Variants in ARSK observed in about 807,000 individuals in gnomAD.
ARSK encodes the protein arylsulfatase K.
A neutral mutation model predicts 53.2 loss-of-function variants in ARSK; 37 were observed. The observed-to-expected ratio is 0.70, with a 90% CI of 0.54 to 0.92. The LOEUF is 0.92. Among genes scored for constraint, ARSK ranks in the 40% least tolerant of loss-of-function variants. The pLI is 0.00. For synonymous variants in ARSK, 208 were observed against 223.2 expected (o/e 0.93, Z 0.61); for missense variants, 613 against 643.0 (o/e 0.95, Z 0.51).
At chr5:95,601,165 A>T in intron 7 of ARSK, 94 bp downstream of exon 7, 1 of 1,175,606 alleles carries the variant, frequency 8.5e-7, no homozygotes, top group Non-Finnish European at 1.2e-6. Flanking sequence ...CTTGTTAAAT[A>T]AATGAATATC....
In ARSK at chr5:95,555,370, C is replaced by T. The variant is rs760563103; in HGVS notation, c.92C>T (p.Ala31Val). 1.9e-6 allele frequency: 3 copies of T among 1,610,588 alleles called. No homozygotes were observed. Among genetic ancestry groups the T allele is most frequent in the South Asian group, 2.2e-5 (2 of 90,676 alleles). ...GAGCAGAGGCGGAGAGCAGCCAAAGCGCCCAATGTGGTGCTGGTCGTGAGC... is the reference window on the plus strand; with the variant it reads ...GAGCAGAGGCGGAGAGCAGCCAAAGTGCCCAATGTGGTGCTGGTCGTGAGC... The part of the protein sequence containing the change: ...AGEQRRRAAK[A>V]PNVVLVVSDS... Residue 31 changes from alanine to valine, a missense_variant, in exon 1 of 8, where the codon GCG becomes GTG. By Grantham distance (64) the Ala-to-Val change is moderately conservative. Transcript: ENST00000380009. This position sits in a 1 kb window ranked among gnomAD's most constrained non-coding sequence, Gnocchi z 4.0.
intron 5 of ARSK, among the ~76,000 whole-genome samples, chr5:95,588,688 C>A (rs556000367): frequency 5.9e-5 from 9 of 151,948 alleles, no homozygotes; most frequent in Non-Finnish European, 8.8e-5. Flanking sequence ...TAATTAAAGA[C>A]ATTTGTGGCT....
At chr5:95,600,640 T>C in intron 6 of ARSK, 1 of 680,824 alleles carries the variant, frequency 1.5e-6, no homozygotes, top group Non-Finnish European at 2.7e-6. Flanking sequence ...AAAACTGAGG[T>C]TGAGATAAGT....
At chr5:95,566,774 C>T (rs750344270) in intron 2 of ARSK, among the ~76,000 whole-genome samples, 3 of 151,894 alleles carry the variant, frequency 2.0e-5, no homozygotes, top group African/African-American at 2.4e-5. Context: ...TTCCTTTTCC[C>T]CTGTCTTCTG....
At chr5:95,570,152 C>T (rs1242709648) in intron 3 of ARSK, among the ~76,000 whole-genome samples, 2 of 152,138 alleles carry the variant, frequency 1.3e-5, no homozygotes, top group African/African-American at 4.8e-5. Flanking sequence ...TGCTTAAAAT[C>T]TTTCAATGGT....
At chr5:95,571,110 A>G (rs1319445722) in intron 3 of ARSK, among the ~76,000 whole-genome samples, 1 of 152,222 alleles carries the variant, frequency 6.6e-6, no homozygotes, top group African/African-American at 2.4e-5. Context: ...AGTGCTTTGC[A>G]TTGCTAGTTA....
At chr5:95,591,122 G>C (rs1208242083) in intron 5 of ARSK, among the ~76,000 whole-genome samples, 2 of 151,972 alleles carry the variant, frequency 1.3e-5, no homozygotes, top group African/African-American at 2.4e-5. Context: ...CTATTCTCTG[G>C]TAGAAACCTA....
At chr5:95,569,139 C>T (rs144849688) in intron 3 of ARSK, among the ~76,000 whole-genome samples, 39 of 152,262 alleles carry the variant, frequency 2.6e-4, no homozygotes, top group African/African-American at 8.2e-4. Context: ...TACTGAACTT[C>T]GGTGTGATCT....
At chr5:95,568,177 G>A in intron 3 of ARSK, 128 bp downstream of exon 3, 1 of 985,390 alleles carries the variant, frequency 1.0e-6, no homozygotes, top group Non-Finnish European at 1.4e-6. Context: ...CCTTCATTGT[G>A]TTAATTAGGC....
chr5:95,561,817 G>A (rs908252538), intron 1 of ARSK, among the ~76,000 whole-genome samples: 3 of 152,140 alleles, frequency 2.0e-5, no homozygotes, highest in Non-Finnish European at 4.4e-5. Context: ...CTATGGTAAT[G>A]GTTGCACAGC....
chr5:95,580,965 A>G, intron 3 of ARSK: 1 of 1,262,022 alleles, frequency 7.9e-7, no homozygotes, highest in South Asian at 1.3e-5. Context: ...TTTGCCTTTA[A>G]CCATAATCTT....
intron 1 of ARSK, chr5:95,556,900 C>G (rs1433350199): frequency 6.6e-6 from 1 of 151,888 alleles, no homozygotes; most frequent in African/African-American, 2.4e-5. Flanking sequence ...GTCCCAGCTA[C>G]TCGGGAGGCT....
intron 3 of ARSK, among the ~76,000 whole-genome samples, chr5:95,575,095 G>C (rs1748902110): frequency 6.6e-6 from 1 of 152,064 alleles, no homozygotes. Flanking sequence ...ATTTATTGAA[G>C]AGACTGTTCC....
At chr5:95,564,757 C>T (rs1047972165) in intron 1 of ARSK, among the ~76,000 whole-genome samples, 6 of 152,144 alleles carry the variant, frequency 3.9e-5, no homozygotes, top group African/African-American at 1.4e-4. Context: ...ACTCGGTCTC[C>T]TCACATCTTC....
At chr5:95,591,664 T>G in intron 6 of ARSK, 39 bp downstream of exon 6, 1 of 1,591,524 alleles carries the variant, frequency 6.3e-7, no homozygotes. Context: ...TTTGTAATAA[T>G]GCTGGAGAAT....
At chr5:95,557,488 A>G (rs1294744074) in intron 1 of ARSK, among the ~76,000 whole-genome samples, 1 of 152,250 alleles carries the variant, frequency 6.6e-6, no homozygotes, top group Non-Finnish European at 1.5e-5. Flanking sequence ...TAATATGTAT[A>G]TATCAATGTG....
At position 95,562,052 on chromosome 5, in the gene ARSK, T is replaced by A. The variant is rs569746652; in HGVS notation, c.127-3946T>A. On this transcript the variant is annotated intron_variant, in intron 1 of 7. Coordinates refer to ENST00000380009, the MANE Select transcript of ARSK (RefSeq NM_198150.3). ...CAACATGGTGAAACCCCATCTCTACTAAGAATACAAAAATTAGCCAGGCAT... is the reference window on the plus strand; with the variant it reads ...CAACATGGTGAAACCCCATCTCTACAAAGAATACAAAAATTAGCCAGGCAT... Among the ~76,000 whole-genome samples the A allele has an allele frequency of 1.8e-4, 28 of 152,022 alleles. No individual in the cohort carries two copies. The South Asian group carries it at 5.0e-3, about 27-fold the overall frequency.
chr5:95,587,987 T>C (rs1480012541), intron 5 of ARSK, among the ~76,000 whole-genome samples: 1 of 152,174 alleles, frequency 6.6e-6, no homozygotes, highest in Non-Finnish European at 1.5e-5. Flanking sequence ...AGTAATTTTC[T>C]TTAATCATGA....
intron 1 of ARSK, among the ~76,000 whole-genome samples, chr5:95,559,582 T>C (rs759082276): frequency 1.2e-4 from 19 of 152,374 alleles, no homozygotes; most frequent in Middle Eastern, 6.8e-3. Flanking sequence ...TCAATTAATG[T>C]AATACATCAT....
Sources: allele counts gnomAD v4.1 joint callset (sites outside exome capture counted in the v4.1 genomes callset), GRCh38; gene constraint gnomAD v4.1.1; non-coding constraint Gnocchi (gnomAD v3.1); transcripts MANE v1.5; gene names NCBI Gene and HGNC (gene_info 2026-07-23, HGNC 2026-07-21).